The following ST8SIA5 variants were observed in gnomAD, a reference collection of about 807,000 sequenced individuals.
ST8SIA5 encodes alpha-2,8-sialyltransferase 8E.
In ST8SIA5, 24 loss-of-function variants were observed where a neutral mutation model predicts 40.2. The ratio of observed to expected loss-of-function variants is 0.60; its 90% confidence interval spans 0.43 to 0.84. The LOEUF (loss-of-function observed/expected upper bound fraction) is 0.84. Ranked by LOEUF, ST8SIA5 falls within the 40% of genes least tolerant of loss-of-function variation. The pLI is 0.00. For missense variants in ST8SIA5, 465 were observed against 498.5 expected, an observed-to-expected ratio of 0.93 and a Z score of 0.64; for synonymous variants, 198 against 201.8, an observed-to-expected ratio of 0.98 and a Z score of 0.16.
In ST8SIA5 at chr18:46,670,120, A is replaced by G. The variant is rs1248976022; in HGVS notation, c.*9922T>C. Reference sequence around the variant, plus strand: ...CATCTCGCCTATCCTTCATCATCAGATCATCAACCGTTTCATTTATGTGAA... The same window carrying G: ...CATCTCGCCTATCCTTCATCATCAGGTCATCAACCGTTTCATTTATGTGAA... On this transcript the variant is annotated 3_prime_UTR_variant, in exon 7 of 7. Coordinates refer to ENST00000315087, the MANE Select transcript of ST8SIA5 (RefSeq NM_013305.6). 2 of 152,012 alleles carry G rather than the reference A, an allele frequency of 1.3e-5. No individual in the cohort carries two copies. Among genetic ancestry groups the G allele is most frequent in the Non-Finnish European group, 2.9e-5 (2 of 68,010 alleles). 9.4% of individuals were successfully genotyped at this position (152,012 alleles called of 1,614,324 possible).
intron 1 of ST8SIA5, among the ~76,000 whole-genome samples, chr18:46,754,415 T>G (rs1193816103): frequency 1.3e-5 from 2 of 152,192 alleles, no homozygotes; most frequent in Admixed American, 1.3e-4. Context: ...AGTTTAACAT[T>G]CACTTTCTGT....
At chr18:46,681,905 C>A in intron 6 of ST8SIA5, 67 bp downstream of exon 6, 1 of 1,519,878 alleles carries the variant, frequency 6.6e-7, no homozygotes, top group African/African-American at 1.4e-5. Flanking sequence ...CTTCCAGTGC[C>A]CAGTAGCCGC....
At position 46,709,789 on chromosome 18, in the gene ST8SIA5, A is replaced by T. The variant is rs544490851; in HGVS notation, c.132-5125T>A. Among the ~76,000 whole-genome samples, 19 of 152,314 alleles carry T rather than the reference A, an allele frequency of 1.2e-4. 1 individual carries two copies. The East Asian group carries it at 1.7e-3, about 14-fold the overall frequency. ...ATAGGGGTTTCTCAGAATAAATGGG[A>T]TGATGCGTTATTTTTTTAAATACTT... is the stretch of plus-strand genomic sequence containing the variant. On this transcript the variant is annotated intron_variant, in intron 1 of 6. Coordinates refer to ENST00000315087, the MANE Select transcript of ST8SIA5 (RefSeq NM_013305.6).
chr18:46,713,581 T>C (rs1160272337), intron 1 of ST8SIA5, among the ~76,000 whole-genome samples: 1 of 152,066 alleles, frequency 6.6e-6, no homozygotes, highest in African/African-American at 2.4e-5. Flanking sequence ...GCTCCCACAT[T>C]CAGATGGCAG....
At chr18:46,720,975 A>G (rs1255880468) in intron 1 of ST8SIA5, among the ~76,000 whole-genome samples, 2 of 151,958 alleles carry the variant, frequency 1.3e-5, no homozygotes, top group African/African-American at 4.8e-5. Flanking sequence ...AGCAGGGAAC[A>G]CCCACCTGAC....
chr18:46,686,408 G>T, intron 4 of ST8SIA5, 122 bp from the exon 5 acceptor site: 1 of 753,312 alleles, frequency 1.3e-6, no homozygotes, highest in Non-Finnish European at 2.3e-6. Flanking sequence ...GCCTTGTGGG[G>T]AATGTGGGAG....
At chr18:46,699,566 A>G (rs1299082029) in intron 2 of ST8SIA5, among the ~76,000 whole-genome samples, 2 of 152,098 alleles carry the variant, frequency 1.3e-5, no homozygotes, top group Non-Finnish European at 2.9e-5. Flanking sequence ...TATTCAGTAG[A>G]GACGGGGTTT....
intron 1 of ST8SIA5, among the ~76,000 whole-genome samples, chr18:46,719,764 T>C (rs1252317770): frequency 1.6e-5 from 2 of 121,886 alleles, no homozygotes; most frequent in Admixed American, 8.7e-5. Context: ...TTTCTTTCTT[T>C]CTCTCTTCTT....
intron 1 of ST8SIA5, among the ~76,000 whole-genome samples, chr18:46,742,163 TC>T (rs2040093118): frequency 6.6e-6 from 1 of 151,900 alleles, no homozygotes; most frequent in Non-Finnish European, 1.5e-5. Flanking sequence ...TTTAACACAT[TC>T]TACAAATGTG....
intron 1 of ST8SIA5, among the ~76,000 whole-genome samples, chr18:46,737,797 G>A: frequency 6.6e-6 from 1 of 151,634 alleles, no homozygotes; most frequent in East Asian, 1.9e-4. Flanking sequence ...TTGAGACAGA[G>A]TCTCACTGTG....
chr18:46,682,123 G>A, intron 5 of ST8SIA5, 59 bp from the exon 6 acceptor site: 4 of 1,366,778 alleles, frequency 2.9e-6, no homozygotes, highest in East Asian at 4.8e-5. Flanking sequence ...AGGCTGGGGA[G>A]GGTGCAGGGG....
At chr18:46,752,512 T>C (rs569623004) in intron 1 of ST8SIA5, among the ~76,000 whole-genome samples, 74 of 152,292 alleles carry the variant, frequency 4.9e-4, no homozygotes, top group Admixed American at 4.3e-3. Context: ...CTTTCTCCAT[T>C]AGAGACACTG....
intron 1 of ST8SIA5, among the ~76,000 whole-genome samples, chr18:46,730,650 T>C (rs1019916022): frequency 1.3e-5 from 2 of 152,006 alleles, no homozygotes; most frequent in Non-Finnish European, 2.9e-5. Flanking sequence ...CTAGGCAACA[T>C]AGTGAGAACC....
Position 46,672,214 on chromosome 18 carries a change from C to CGACTCTAG in ST8SIA5, c.*7820_*7827dup, listed in dbSNP as rs2039312903. On this transcript the variant is annotated 3_prime_UTR_variant, in exon 7 of 7. Transcript: ENST00000315087. ...CGAGTATTTCTTAAAGCTCTTCAGA[C>CGACTCTAG]GACTCTAGCGTGCACCAAGGCATAG... is the stretch of plus-strand genomic sequence containing the variant. The CGACTCTAG allele has an allele frequency of 6.6e-6, 1 of 152,322 alleles. No homozygotes were observed. The highest frequency in any genetic ancestry group is 2.1e-4 in the South Asian group (1 of 4,826). 9.4% of individuals were successfully genotyped at this position (152,322 alleles called of 1,614,324 possible). A position where few individuals can be genotyped will look rare whatever the true frequency, so the allele number is the denominator to read the frequency against.
At position 46,681,999 on chromosome 18, in the gene ST8SIA5, G is replaced by A. The variant is rs755626931; in HGVS notation, c.635C>T (p.Thr212Ile). Residue 212 changes from threonine (T) to isoleucine (I), a missense_variant, in exon 6 of 7, where the codon ACT becomes ATT. Transcript: ENST00000315087. ...MDVGVKTDVV[T>I]VNPSIITERF... ...CTCTGTGATGATGCTGGGGTTCACA[G>A]TGACCACATCCGTCTTCACCCCCAC... is the stretch of plus-strand genomic sequence containing the variant. 3 of 1,614,098 alleles carry A rather than the reference G, an allele frequency of 1.9e-6. No individual in the cohort carries two copies. Among genetic ancestry groups the A allele is most frequent in the Non-Finnish European group, 2.5e-6 (3 of 1,180,006 alleles).
At chr18:46,754,421 T>C (rs2040222482) in intron 1 of ST8SIA5, among the ~76,000 whole-genome samples, 1 of 152,212 alleles carries the variant, frequency 6.6e-6, no homozygotes, top group African/African-American at 2.4e-5. Context: ...ACATTCACTT[T>C]CTGTTTCATT....
intron 1 of ST8SIA5, among the ~76,000 whole-genome samples, chr18:46,719,093 T>C (rs1275724812): frequency 6.6e-6 from 1 of 152,186 alleles, no homozygotes; most frequent in African/African-American, 2.4e-5. Context: ...AGATTTGAAA[T>C]TGGAATTGTC....
intron 1 of ST8SIA5, among the ~76,000 whole-genome samples, chr18:46,748,677 A>C (rs1489600286): frequency 6.6e-6 from 1 of 152,136 alleles, no homozygotes; most frequent in African/African-American, 2.4e-5. Context: ...GAAATGCAAA[A>C]TCAAAACCAC....
intron 1 of ST8SIA5, among the ~76,000 whole-genome samples, chr18:46,739,626 T>C (rs2040069144): frequency 1.3e-5 from 2 of 152,116 alleles, no homozygotes; most frequent in South Asian, 2.1e-4. Flanking sequence ...AGATTTTTGT[T>C]TGGGGAACAG....
Sources: allele counts gnomAD v4.1 joint callset (sites outside exome capture counted in the v4.1 genomes callset), GRCh38; gene constraint gnomAD v4.1.1; transcripts MANE v1.5; gene names NCBI Gene and HGNC (gene_info 2026-07-23, HGNC 2026-07-21).